GHR: variants seen among roughly 807,000 people sequenced by gnomAD.
The protein encoded by GHR is GH receptor.
Under a neutral mutation model 67.1 loss-of-function variants are expected in GHR, and 35 were observed. That is an observed-to-expected ratio of 0.52 (90% CI 0.40 to 0.69). The LOEUF is 0.69. Among genes scored for constraint, GHR ranks in the 30% least tolerant of loss-of-function variants. The probability of loss-of-function intolerance (pLI) is 0.00; values close to 1 mark genes in which losing one functional copy is unlikely to be tolerated. For missense variants in GHR, 792 were observed against 764.6 expected (o/e 1.04, Z -0.42); for synonymous variants, 272 against 269.1 (o/e 1.01, Z -0.10).
At chr5:42,686,538 A>G (rs1377875023) in intron 3 of GHR, among the ~76,000 whole-genome samples, 6 of 152,210 alleles carry the variant, frequency 3.9e-5, no homozygotes, top group African/African-American at 1.4e-4. Flanking sequence ...ACAAATCAAT[A>G]AACGTAATCC....
At chr5:42,700,431 A>T (rs1757879132) in intron 6 of GHR, among the ~76,000 whole-genome samples, 1 of 152,174 alleles carries the variant, frequency 6.6e-6, no homozygotes, top group African/African-American at 2.4e-5. Flanking sequence ...TGTCTATAGG[A>T]AAACAGAGGG....
chr5:42,709,203 G>A (rs966389774), intron 6 of GHR, among the ~76,000 whole-genome samples: 3 of 151,950 alleles, frequency 2.0e-5, no homozygotes, highest in Admixed American at 1.3e-4. Context: ...GCCCAATCTC[G>A]GCTCACTGCA....
At chr5:42,535,543 G>A (rs1049301347) in intron 1 of GHR, among the ~76,000 whole-genome samples, 1 of 152,128 alleles carries the variant, frequency 6.6e-6, no homozygotes, top group East Asian at 1.9e-4. Flanking sequence ...ATACCATGCT[G>A]TTTTGGTGAC....
chr5:42,499,515 G>T (rs2940913), intron 1 of GHR, among the ~76,000 whole-genome samples: 75,959 of 152,060 alleles, frequency 0.5, 19,953 homozygotes, highest in African/African-American at 0.63. Context: ...GGAACAGCTA[G>T]CTGATGCCTA....
chr5:42,536,455 G>A (rs558604158), intron 1 of GHR, among the ~76,000 whole-genome samples: 1 of 152,082 alleles, frequency 6.6e-6, no homozygotes, highest in East Asian at 1.9e-4. Flanking sequence ...TGTTTATGTG[G>A]TGTATCACAT....
chr5:42,585,275 C>A (rs1201374652), intron 2 of GHR, among the ~76,000 whole-genome samples: 1 of 152,182 alleles, frequency 6.6e-6, no homozygotes, highest in East Asian at 1.9e-4. Flanking sequence ...ATTGGGTTTT[C>A]TTTCTTGTAG....
chr5:42,566,996 G>T (rs1403193246), intron 2 of GHR, among the ~76,000 whole-genome samples: 1 of 152,156 alleles, frequency 6.6e-6, no homozygotes, highest in Non-Finnish European at 1.5e-5. Flanking sequence ...ATAGAAAAGA[G>T]TCATAATTGT....
intron 1 of GHR, among the ~76,000 whole-genome samples, chr5:42,451,991 T>G (rs1288899795): frequency 6.6e-6 from 1 of 152,202 alleles, no homozygotes; most frequent in Non-Finnish European, 1.5e-5. Flanking sequence ...TATTGCTTTA[T>G]AGGCCCTGTG....
intron 1 of GHR, among the ~76,000 whole-genome samples, chr5:42,434,995 C>CA (rs1232857660): frequency 6.6e-5 from 10 of 151,920 alleles, no homozygotes; most frequent in South Asian, 2.1e-4. Flanking sequence ...GCTTTATCTG[C>CA]AAAAAAACAG....
intron 3 of GHR, among the ~76,000 whole-genome samples, chr5:42,671,522 G>A (rs865814088): frequency 1.3e-5 from 2 of 151,098 alleles, no homozygotes; most frequent in South Asian, 4.2e-4. Context: ...TTCAAGGTTG[G>A]TTCAACATAC....
At chr5:42,550,130 CT>C in intron 1 of GHR, 1 of 938,936 alleles carries the variant, frequency 1.1e-6, no homozygotes, top group Non-Finnish European at 1.3e-6. Flanking sequence ...AGTGTGTCTT[CT>C]TGCTACTTGA....
chr5:42,705,896 T>C (rs1369364929), intron 6 of GHR, among the ~76,000 whole-genome samples: 1 of 152,142 alleles, frequency 6.6e-6, no homozygotes, highest in African/African-American at 2.4e-5. Flanking sequence ...TTATATTCCT[T>C]CAGGTATATA....
At chr5:42,472,854 A>G (rs1301797709) in intron 1 of GHR, among the ~76,000 whole-genome samples, 1 of 152,164 alleles carries the variant, frequency 6.6e-6, no homozygotes. Flanking sequence ...AGGTCATCCC[A>G]GAGGTTCCTT....
intron 1 of GHR, among the ~76,000 whole-genome samples, chr5:42,479,745 T>A (rs2112145449): frequency 6.6e-6 from 1 of 152,310 alleles, no homozygotes; most frequent in South Asian, 2.1e-4. Context: ...CCTTTATCAT[T>A]TTTTATTGCG....
At chr5:42,495,204 G>A (rs567330308) in intron 1 of GHR, among the ~76,000 whole-genome samples, 1 of 152,084 alleles carries the variant, frequency 6.6e-6, no homozygotes, top group Non-Finnish European at 1.5e-5. Flanking sequence ...GGAGGAAGAT[G>A]TGCCCACACC....
intron 2 of GHR, among the ~76,000 whole-genome samples, chr5:42,589,711 G>A (rs1421611594): frequency 6.6e-6 from 1 of 152,140 alleles, no homozygotes; most frequent in Non-Finnish European, 1.5e-5. Flanking sequence ...ACATATAAGA[G>A]GATTGACAGG....
chr5:42,467,754 A>G, intron 1 of GHR: 1 of 1,551,734 alleles, frequency 6.4e-7, no homozygotes, highest in Non-Finnish European at 8.9e-7. Context: ...TCTGATGCAC[A>G]ACGAGGTTTG....
intron 2 of GHR, among the ~76,000 whole-genome samples, chr5:42,569,833 A>T (rs1389615817): frequency 6.6e-6 from 1 of 152,168 alleles, no homozygotes; most frequent in African/African-American, 2.4e-5. Flanking sequence ...ACATCACTCA[A>T]ATTCTGCAAA....
chr5:42,612,471 A>G (rs1265749937), intron 2 of GHR, among the ~76,000 whole-genome samples: 1 of 152,154 alleles, frequency 6.6e-6, no homozygotes, highest in Non-Finnish European at 1.5e-5. Flanking sequence ...ACTGGCTTCT[A>G]GAATTTAACT....
Sources: allele counts gnomAD v4.1 joint callset (sites outside exome capture counted in the v4.1 genomes callset), GRCh38; gene constraint gnomAD v4.1.1; transcripts MANE v1.5; gene names NCBI Gene and HGNC (gene_info 2026-07-23, HGNC 2026-07-21).